The following ROBO2 variants were observed in gnomAD, a reference collection of about 807,000 sequenced individuals.
The protein encoded by ROBO2 is roundabout homolog 2.
In ROBO2, 53 loss-of-function variants were observed where a neutral mutation model predicts 160.8. That is an observed-to-expected ratio of 0.33 (90% CI 0.26 to 0.41). The LOEUF (loss-of-function observed/expected upper bound fraction) is 0.41. ROBO2 is among the 10% of genes least tolerant of loss of function. The pLI is 1.00. For missense variants in ROBO2, 1,577 were observed against 1,722.4 expected (o/e 0.92, Z 1.49); for synonymous variants, 664 against 611.7 (o/e 1.09, Z -1.26).
chr3:76,752,668 T>C (rs2060743563), intron 2 of ROBO2, among the ~76,000 whole-genome samples: 1 of 151,884 alleles, frequency 6.6e-6, no homozygotes, highest in Non-Finnish European at 1.5e-5. Context: ...ATAGGTTTGC[T>C]ATGAAAAAGA....
At chr3:76,715,900 CAT>C (rs1444736343) in intron 2 of ROBO2, among the ~76,000 whole-genome samples, 14 of 152,108 alleles carry the variant, frequency 9.2e-5, no homozygotes, top group Admixed American at 9.2e-4. Flanking sequence ...AAAGGGGACA[CAT>C]ATATTCACAA....
At chr3:77,361,088 A>G (rs2153467401) in intron 2 of ROBO2, among the ~76,000 whole-genome samples, 1 of 152,294 alleles carries the variant, frequency 6.6e-6, no homozygotes, top group East Asian at 1.9e-4. Flanking sequence ...GCTCATGCCT[A>G]GTTAGTACTT....
At chr3:76,536,946 A>G (rs746761510) in intron 2 of ROBO2, among the ~76,000 whole-genome samples, 3 of 152,146 alleles carry the variant, frequency 2.0e-5, no homozygotes, top group Non-Finnish European at 4.4e-5. Flanking sequence ...ATTGTTGGGC[A>G]GGTGGGGGAG....
intron 2 of ROBO2, among the ~76,000 whole-genome samples, chr3:76,258,286 T>C (rs1013058226): frequency 2.4e-4 from 36 of 152,070 alleles, no homozygotes; most frequent in African/African-American, 8.0e-4. Flanking sequence ...TTAATGCTTA[T>C]TCTAAGTTCT....
At chr3:76,095,234 G>C (rs536118578) in intron 2 of ROBO2, among the ~76,000 whole-genome samples, 177 of 151,942 alleles carry the variant, frequency 1.2e-3, no homozygotes, top group African/African-American at 2.7e-3. Context: ...TGGGAGATAA[G>C]CAGTAGTGAA....
chr3:76,682,828 A>G (rs1056468033), intron 2 of ROBO2, among the ~76,000 whole-genome samples: 2 of 152,204 alleles, frequency 1.3e-5, no homozygotes, highest in African/African-American at 2.4e-5. Flanking sequence ...CAAGCACTCC[A>G]TTATTCACGT....
intron 2 of ROBO2, among the ~76,000 whole-genome samples, chr3:76,229,445 C>A (rs1704489946): frequency 6.6e-6 from 1 of 151,990 alleles, no homozygotes; most frequent in Non-Finnish European, 1.5e-5. Context: ...AGATGAATAT[C>A]ATTTTACATC....
At chr3:76,994,347 G>A (rs991426302) in intron 2 of ROBO2, among the ~76,000 whole-genome samples, 4 of 151,638 alleles carry the variant, frequency 2.6e-5, no homozygotes, top group Non-Finnish European at 5.9e-5. Context: ...CTGTTTCTAC[G>A]GGAAAGCACA....
intron 2 of ROBO2, among the ~76,000 whole-genome samples, chr3:77,245,844 T>A (rs996856033): frequency 6.6e-6 from 1 of 152,248 alleles, no homozygotes; most frequent in South Asian, 2.1e-4. Flanking sequence ...CACAGAATGA[T>A]GTTGCCATGG....
intron 2 of ROBO2, among the ~76,000 whole-genome samples, chr3:77,281,245 C>T (rs948587940): frequency 6.6e-6 from 1 of 152,150 alleles, no homozygotes; most frequent in African/African-American, 2.4e-5. Context: ...TACTCTGAAG[C>T]TTGTGTTGTC....
chr3:77,405,788 G>T (rs2076205518), intron 2 of ROBO2, among the ~76,000 whole-genome samples: 1 of 152,122 alleles, frequency 6.6e-6, no homozygotes, highest in South Asian at 2.1e-4. Context: ...AATATAATTT[G>T]ATAGTGCAGA....
intron 2 of ROBO2, among the ~76,000 whole-genome samples, chr3:76,455,565 A>G (rs1157730200): frequency 1.3e-5 from 2 of 152,196 alleles, no homozygotes. Flanking sequence ...TTGCCTATAG[A>G]TTTAGTCATT....
At chr3:77,598,592 G>C (rs953643528) in intron 19 of ROBO2, among the ~76,000 whole-genome samples, 3 of 149,830 alleles carry the variant, frequency 2.0e-5, no homozygotes, top group African/African-American at 7.4e-5. Context: ...CAGTGAGTGA[G>C]AGAATGGAAA....
intron 2 of ROBO2, among the ~76,000 whole-genome samples, chr3:76,225,402 A>G (rs1185253362): frequency 2.0e-5 from 3 of 152,248 alleles, no homozygotes; most frequent in Middle Eastern, 3.4e-3. Context: ...TTAGCTGCTT[A>G]TTTTTATTTC....
At chr3:77,070,281 T>G (rs2067268224) in intron 1 of ROBO2, among the ~76,000 whole-genome samples, 1 of 152,144 alleles carries the variant, frequency 6.6e-6, no homozygotes, top group Non-Finnish European at 1.5e-5. Flanking sequence ...TAATAATTGA[T>G]TACAACAACC....
At chr3:76,290,315 GTTGT>G (rs1347806640) in intron 2 of ROBO2, among the ~76,000 whole-genome samples, 1 of 152,072 alleles carries the variant, frequency 6.6e-6, no homozygotes, top group Non-Finnish European at 1.5e-5. Flanking sequence ...ATGGAATTTG[GTTGT>G]TTATTTGGCT....
At chr3:76,981,836 CAA>C (rs1421840358) in intron 2 of ROBO2, among the ~76,000 whole-genome samples, 2 of 151,990 alleles carry the variant, frequency 1.3e-5, no homozygotes, top group South Asian at 4.2e-4. Flanking sequence ...AAAACAGGGG[CAA>C]GAGAGAGAGC....
At chr3:76,274,219 A>G (rs1707782245) in intron 2 of ROBO2, among the ~76,000 whole-genome samples, 1 of 152,190 alleles carries the variant, frequency 6.6e-6, no homozygotes, top group Non-Finnish European at 1.5e-5. Context: ...CATACATACA[A>G]CCAAATCAGT....
intron 1 of ROBO2, among the ~76,000 whole-genome samples, chr3:75,921,026 G>A (rs974840531): frequency 1.3e-4 from 19 of 151,964 alleles, no homozygotes; most frequent in Admixed American, 1.1e-3. Context: ...TTTAGCCCAT[G>A]TATATTTATG....
Sources: allele counts gnomAD v4.1 joint callset (sites outside exome capture counted in the v4.1 genomes callset), GRCh38; gene constraint gnomAD v4.1.1; transcripts MANE v1.5; gene names NCBI Gene and HGNC (gene_info 2026-07-23, HGNC 2026-07-21).